SORCS2: variants seen among roughly 807,000 people sequenced by gnomAD.
SORCS2 encodes VPS10 domain-containing receptor SorCS2.
In SORCS2, 100 loss-of-function variants were observed where a neutral mutation model predicts 141.6. That is an observed-to-expected ratio of 0.71 (90% CI 0.60 to 0.83). The LOEUF (loss-of-function observed/expected upper bound fraction) is 0.83. SORCS2 is among the 40% of genes least tolerant of loss of function. SORCS2 has a pLI of 0.00. For synonymous variants in SORCS2, 789 were observed against 676.9 expected (o/e 1.17, Z -2.57); for missense variants, 1,646 against 1,560.2 (o/e 1.05, Z -0.93).
intron 1 of SORCS2, among the ~76,000 whole-genome samples, chr4:7,202,444 C>T (rs1436424511): frequency 6.6e-6 from 1 of 152,210 alleles, no homozygotes; most frequent in East Asian, 1.9e-4. Flanking sequence ...CAGTCAGTTA[C>T]TGTATTTGCA....
chr4:7,579,945 G>A (rs1716034852), intron 3 of SORCS2, among the ~76,000 whole-genome samples: 1 of 152,186 alleles, frequency 6.6e-6, no homozygotes, highest in Admixed American at 6.5e-5. Flanking sequence ...GCAGAGTGGA[G>A]TGAGTCCAGG....
At chr4:7,418,779 G>A (rs1289338328) in intron 2 of SORCS2, among the ~76,000 whole-genome samples, 2 of 151,428 alleles carry the variant, frequency 1.3e-5, no homozygotes, top group Non-Finnish European at 2.9e-5. Context: ...GGGCAATGTG[G>A]GCTGGGCTCA....
intron 14 of SORCS2, among the ~76,000 whole-genome samples, chr4:7,706,810 G>A (rs371375389): frequency 7.6e-4 from 115 of 151,342 alleles, no homozygotes; most frequent in Non-Finnish European, 1.2e-3. Context: ...ATGAGGCTGG[G>A]CTCTGTCTGG....
At chr4:7,211,726 A>G (rs1268418773) in intron 1 of SORCS2, among the ~76,000 whole-genome samples, 1 of 152,134 alleles carries the variant, frequency 6.6e-6, no homozygotes, top group Non-Finnish European at 1.5e-5. Context: ...AAGGACATAC[A>G]GACCATTAGG....
At chr4:7,693,495 T>C (rs961240938) in intron 11 of SORCS2, among the ~76,000 whole-genome samples, 1 of 152,238 alleles carries the variant, frequency 6.6e-6, no homozygotes, top group African/African-American at 2.4e-5. Context: ...TCAGATGCTG[T>C]GGGTGCCCCA....
chr4:7,531,508 G>A lies in SORCS2; in HGVS notation c.549-22G>A, dbSNP rs73214627. ...CACACTTGGAGGGTACATGGCTGACGGCTGTCCCCCTTTTCCCCCAGGTCA... is the reference window on the plus strand; with the variant it reads ...CACACTTGGAGGGTACATGGCTGACAGCTGTCCCCCTTTTCCCCCAGGTCA... On this transcript the variant is annotated intron_variant, in intron 2 of 26. Coordinates refer to ENST00000507866, the MANE Select transcript of SORCS2 (RefSeq NM_020777.3). 1,727 of 1,610,132 alleles carry A rather than the reference G, an allele frequency of 1.1e-3. 5 individuals are homozygous for A. Among genetic ancestry groups the A allele is most frequent in the Non-Finnish European group, 1.0e-3 (1,192 of 1,177,210 alleles).
intron 2 of SORCS2, among the ~76,000 whole-genome samples, chr4:7,517,220 C>T (rs1180260288): frequency 6.6e-6 from 1 of 152,218 alleles, no homozygotes; most frequent in African/African-American, 2.4e-5. Flanking sequence ...TTGCCGTTGA[C>T]TTATCCCTTG....
chr4:7,311,611 A>G (rs1464007204), intron 1 of SORCS2, among the ~76,000 whole-genome samples: 3 of 152,138 alleles, frequency 2.0e-5, no homozygotes, highest in Non-Finnish European at 2.9e-5. Flanking sequence ...AGTGGATCTC[A>G]TTACGGTTTT....
rs892332905 is a variant in SORCS2 at position 7,473,022 on chromosome 4, T to C, written c.549-58508T>C. ...GGTATGGAGCCCCTGGCCTGTGGGG[T>C]TTTGCATGCTAGACACGGTAGAGTT... On this transcript the variant is annotated intron_variant, in intron 2 of 26. Transcript: ENST00000507866. Among the ~76,000 whole-genome samples, 333 of 151,834 alleles carry C rather than the reference T, an allele frequency of 2.2e-3. 2 individuals carry two copies. Among genetic ancestry groups the C allele is most frequent in the Non-Finnish European group, 3.4e-4 (23 of 67,968 alleles).
intron 1 of SORCS2, among the ~76,000 whole-genome samples, chr4:7,272,053 G>C (rs1348274439): frequency 1.3e-5 from 2 of 152,232 alleles, no homozygotes; most frequent in African/African-American, 2.4e-5. Context: ...GGGTAACGTG[G>C]ATGGGGTTTC....
In SORCS2 at chr4:7,551,432, A is replaced by C. The variant is rs1713693619; in HGVS notation, c.648+19803A>C. Among the ~76,000 whole-genome samples, 4 of 152,324 alleles carry C rather than the reference A, an allele frequency of 2.6e-5. No individual in the cohort carries two copies. The South Asian group carries it at 8.3e-4, about 32-fold the overall frequency. ...AAGTCCAGCGGGGAAGACAGGCAAGAAAATGGGTGATCCTTATGCCACATC... is the reference window on the plus strand; with the variant it reads ...AAGTCCAGCGGGGAAGACAGGCAAGCAAATGGGTGATCCTTATGCCACATC... On this transcript the variant is annotated intron_variant, in intron 3 of 26. Transcript: ENST00000507866.
Position 7,552,473 on chromosome 4 carries a change from C to G in SORCS2, c.648+20844C>G, listed in dbSNP as rs534575373. 8.7e-3 allele frequency among the ~76,000 whole-genome samples: 1,329 copies of G among 152,248 alleles called. 9 individuals carry two copies. Among genetic ancestry groups the G allele is most frequent in the Non-Finnish European group, 0.015 (1,032 of 68,014 alleles). ...TTTCTCTGACAAAAAAGCACTGGCC[C>G]CAGTCCAAGCTTCCCCAGGTTCCCT... On this transcript the variant is annotated intron_variant, in intron 3 of 26. Transcript: ENST00000507866.
intron 2 of SORCS2, among the ~76,000 whole-genome samples, chr4:7,472,703 C>T (rs1158319867): frequency 6.6e-6 from 1 of 152,152 alleles, no homozygotes; most frequent in Admixed American, 6.5e-5. Flanking sequence ...CTGGTCACAT[C>T]CCGCTGGCCC....
intron 1 of SORCS2, among the ~76,000 whole-genome samples, chr4:7,236,664 T>A (rs975668673): frequency 2.0e-5 from 3 of 152,138 alleles, no homozygotes; most frequent in African/African-American, 7.2e-5. Context: ...TCACTACAAC[T>A]TCTGCCTCCT....
chr4:7,346,529 ATT>A (rs1202997556), intron 1 of SORCS2, among the ~76,000 whole-genome samples: 5 of 152,218 alleles, frequency 3.3e-5, no homozygotes, highest in African/African-American at 1.2e-4. Context: ...TGGGTGGAGT[ATT>A]TTATAAATGT....
chr4:7,478,427 C>G (rs1419033733), intron 2 of SORCS2, among the ~76,000 whole-genome samples: 2 of 152,072 alleles, frequency 1.3e-5, no homozygotes, highest in African/African-American at 4.8e-5. Flanking sequence ...ACCGTCCCCA[C>G]CCGTACCTCA....
At chr4:7,708,328 T>C (rs1725605508) in intron 14 of SORCS2, among the ~76,000 whole-genome samples, 1 of 152,038 alleles carries the variant, frequency 6.6e-6, no homozygotes. Flanking sequence ...CCATGCATTG[T>C]GGTGGGATTG....
intron 4 of SORCS2, among the ~76,000 whole-genome samples, chr4:7,643,497 G>A (rs1006331777): frequency 6.6e-6 from 1 of 152,192 alleles, no homozygotes; most frequent in African/African-American, 2.4e-5. Context: ...ATTGATCTGA[G>A]CCCAGGATTG....
At chr4:7,646,453 A>G (rs1420593130) in intron 4 of SORCS2, among the ~76,000 whole-genome samples, 2 of 152,212 alleles carry the variant, frequency 1.3e-5, no homozygotes, top group African/African-American at 2.4e-5. Flanking sequence ...CTCCAATCCC[A>G]TTTGACTGGT....
Sources: allele counts gnomAD v4.1 joint callset (sites outside exome capture counted in the v4.1 genomes callset), GRCh38; gene constraint gnomAD v4.1.1; transcripts MANE v1.5; gene names NCBI Gene and HGNC (gene_info 2026-07-23, HGNC 2026-07-21).